Variants in PRKCG observed in about 807,000 individuals in gnomAD.
The protein encoded by PRKCG is protein kinase C gamma, also known as protein kinase C gamma type.
Under a neutral mutation model 82.0 loss-of-function variants are expected in PRKCG, and 28 were observed. That is an observed-to-expected ratio of 0.34 (90% CI 0.25 to 0.47). PRKCG has a LOEUF of 0.47. Among genes scored for constraint, PRKCG ranks in the 20% least tolerant of loss-of-function variants. The pLI is 1.00. For synonymous variants in PRKCG, 383 were observed against 376.6 expected (o/e 1.02, Z -0.20); for missense variants, 640 against 952.7 (o/e 0.67, Z 4.32).
chr19:53,899,240 G>A (rs1459288089), intron 11 of PRKCG, among the ~76,000 whole-genome samples: 1 of 152,104 alleles, frequency 6.6e-6, no homozygotes, highest in Non-Finnish European at 1.5e-5. Context: ...TGGGGGCGTG[G>A]CCAGGTGGAT....
chr19:53,901,637 G>A (rs2068764514), intron 14 of PRKCG, among the ~76,000 whole-genome samples: 2 of 150,020 alleles, frequency 1.3e-5, no homozygotes, highest in African/African-American at 2.5e-5. Flanking sequence ...GGATCACAAG[G>A]TCAGGAGTTT....
intron 15 of PRKCG, among the ~76,000 whole-genome samples, chr19:53,904,237 T>G (rs916590669): frequency 4.6e-5 from 7 of 151,620 alleles, no homozygotes; most frequent in African/African-American, 1.5e-4. Flanking sequence ...CTCTAAATCT[T>G]TGCCTTGGTA....
intron 15 of PRKCG, 40 bp from the exon 16 acceptor site, chr19:53,904,595 T>G: frequency 1.9e-6 from 3 of 1,573,602 alleles, no homozygotes; most frequent in Non-Finnish European, 1.7e-6. Context: ...GAAAGGCAGT[T>G]GGGCATGTCC....
Position 53,889,914 on chromosome 19 carries a change from T to G in PRKCG, c.426T>G (p.Cys142Trp). 1 of 1,584,672 alleles carries G rather than the reference T, an allele frequency of 6.3e-7. No homozygotes were observed. The highest frequency in any genetic ancestry group is 8.6e-7 in the Non-Finnish European group (1 of 1,166,258). Residue 142 changes from cysteine to tryptophan, a missense_variant, in exon 5 of 18, where the codon TGT becomes TGG. Cys to Trp is a radical substitution (Grantham distance 215). Transcript: ENST00000263431. This position sits in a 1 kb window ranked among gnomAD's most constrained non-coding sequence, Gnocchi z 4.4. ...SCCEMNVHRRCVRSVPSLCGV... is the reference protein window; with the variant it reads ...SCCEMNVHRRWVRSVPSLCGV... ...GCGAGATGAACGTGCACCGGCGCTG[T>G]GTGCGTAGCGTGCCCTCCCTGTGCG...
chr19:53,881,697 G>C (rs889506160), upstream of PRKCG: 1 of 152,550 alleles, frequency 6.6e-6, no homozygotes, highest in Non-Finnish European at 1.5e-5. Flanking sequence ...CTGAGAGGCA[G>C]AAACAGAGAC....
chr19:53,900,307 T>G lies in PRKCG; in HGVS notation c.1356T>G (p.Phe452Leu). 1 of 1,614,078 alleles carries G rather than the reference T, an allele frequency of 6.2e-7. No homozygotes were observed. The highest frequency in any genetic ancestry group is 8.5e-7 in the Non-Finnish European group (1 of 1,180,010). The change falls in exon 12 of 18, where the codon TTT (phenylalanine) becomes TTG (leucine). Residue 452 changes from phenylalanine to leucine, a missense_variant. By Grantham distance (22) the Phe-to-Leu change is conservative (BLOSUM62 0). Coordinates refer to ENST00000263431, the MANE Select transcript of PRKCG (RefSeq NM_002739.5). This position sits in a 1 kb window ranked among gnomAD's most constrained non-coding sequence, Gnocchi z 4.2. ...LMYHIQQLGKFKEPHAAFYAA... is the reference protein window; with the variant it reads ...LMYHIQQLGKLKEPHAAFYAA... ...ACCACATTCAACAGCTGGGCAAGTT[T>G]AAGGAGCCCCATGCAGCGTGAGTCT...
chr19:53,898,363 C>T (rs897630412), intron 10 of PRKCG, 77 bp from the exon 11 acceptor site: 2 of 1,557,154 alleles, frequency 1.3e-6, no homozygotes, highest in Non-Finnish European at 1.8e-6. Context: ...CGTTTCCCTG[C>T]GTCCCTTAGG....
At position 53,898,596 on chromosome 19, in the gene PRKCG, C is replaced by T. The variant is rs1174879071; in HGVS notation, c.1249C>T (p.Leu417Phe). 6.3e-7 allele frequency: 1 copy of T among 1,598,044 alleles called. No homozygotes were observed. The highest frequency in any genetic ancestry group is 1.3e-5 in the African/African-American group (1 of 74,548). The change falls in exon 11 of 18, where the codon CTC becomes TTC. Residue 417 changes from leucine (L) to phenylalanine (F), a missense_variant. Around this residue, in one of 7 missense-constraint regions of PRKCG, gnomAD observed 78 missense variants for 105.6 expected, o/e 0.74. Transcript: ENST00000263431. ...GRGPGGRPHF[L>F]TQLHSTFQTP... ...GGGTCCTGGCGGCCGGCCCCACTTC[C>T]TCACCCAGCTCCACTCCACCTTCCA...
chr19:53,898,705 G>GTT, intron 11 of PRKCG, 77 bp downstream of exon 11: 1 of 1,321,094 alleles, frequency 7.6e-7, no homozygotes, highest in Non-Finnish European at 1.0e-6. Flanking sequence ...GGGATTCTGA[G>GTT]TTTAGGGCGA....
intron 11 of PRKCG, 77 bp downstream of exon 11, chr19:53,898,705 GT>G: frequency 7.6e-7 from 1 of 1,321,088 alleles, no homozygotes; most frequent in Non-Finnish European, 1.0e-6. Flanking sequence ...GGGATTCTGA[GT>G]TTAGGGCGAG....
chr19:53,906,574 A>G (rs2068813410), intron 17 of PRKCG, 117 bp downstream of exon 17: 2 of 1,543,716 alleles, frequency 1.3e-6, no homozygotes, highest in Non-Finnish European at 1.8e-6. Flanking sequence ...CGCCCCCAAC[A>G]AAAGGAGGTG....
intron 9 of PRKCG, among the ~76,000 whole-genome samples, chr19:53,896,092 C>T (rs2068716108): frequency 6.6e-6 from 1 of 151,054 alleles, no homozygotes; most frequent in African/African-American, 2.4e-5. Flanking sequence ...ATGGGCTCTG[C>T]AGGAGACAAG....
intron 16 of PRKCG, among the ~76,000 whole-genome samples, 194 bp from the exon 17 acceptor site, chr19:53,906,123 C>CTT (rs1351626848): frequency 1.6e-5 from 1 of 62,210 alleles, no homozygotes; most frequent in South Asian, 6.4e-4. Context: ...TTCTTCTTTT[C>CTT]TTCTCTCTCT....
chr19:53,890,623 C>T (rs1325682169), intron 5 of PRKCG, among the ~76,000 whole-genome samples: 1 of 148,182 alleles, frequency 6.7e-6, no homozygotes, highest in African/African-American at 2.5e-5. Context: ...GCTCTGTCAC[C>T]CAGGCTGGAG....
rs756943949 is a variant in PRKCG, at chr19:53,891,662, C to T, written c.530-12C>T. 1 of 1,613,610 alleles carries T rather than the reference C, an allele frequency of 6.2e-7. No individual in the cohort carries two copies. Among genetic ancestry groups the T allele is most frequent in the South Asian group, 1.1e-5 (1 of 91,062 alleles). ...CTCTAACCCGTCACACTCTTCCTCA[C>T]TCCCCGTTTAGTTGGCGAGGCCCGT... On this transcript the variant is annotated splice_polypyrimidine_tract_variant and intron_variant, in intron 5 of 17. Transcript: ENST00000263431.
At chr19:53,899,083 G>C (rs2123012909) in intron 11 of PRKCG, among the ~76,000 whole-genome samples, 2 of 151,648 alleles carry the variant, frequency 1.3e-5, no homozygotes, top group South Asian at 4.2e-4. Context: ...GATTATGAAT[G>C]AGCGTATCCA....
At position 53,903,105 on chromosome 19, in the gene PRKCG, C is replaced by T. The variant is rs367543216; in HGVS notation, c.1608C>T (p.Val536=). The T allele has an allele frequency of 6.8e-6, 11 of 1,613,660 alleles. No individual in the cohort carries two copies. In the African/African-American group the frequency reaches 1.3e-4, roughly 20 times the overall value. ...IIAYQPYGKS[V]DWWSFGVLLY... is the part of the protein sequence containing the mutation. ...CCTACCAGCCCTATGGGAAGTCTGTCGATTGGTGGTCCTTTGGAGTTCTGC... is the reference window on the plus strand; with the variant it reads ...CCTACCAGCCCTATGGGAAGTCTGTTGATTGGTGGTCCTTTGGAGTTCTGC... The change falls in exon 15 of 18, where the codon GTC becomes GTT. Residue 536 remains valine (V), a synonymous_variant. Transcript: ENST00000263431.
rs765626078 is a variant in PRKCG at position 53,900,761 on chromosome 19, C to T, written c.1575+12C>T. 4.3e-6 allele frequency: 7 copies of T among 1,614,136 alleles called. No individual in the cohort carries two copies. Among genetic ancestry groups the T allele is most frequent in the Non-Finnish European group, 5.9e-6 (7 of 1,180,036 alleles). The stretch of plus-strand genomic sequence containing the variant: ...ACATAGCCCCGGAGGTAACCCCAAC[C>T]CTGCTGCTCTGGTCACGCTTTGAGA... On this transcript the variant is annotated intron_variant, in intron 14 of 17. Transcript: ENST00000263431. This position sits in a 1 kb window ranked among gnomAD's most constrained non-coding sequence, Gnocchi z 4.2.
chr19:53,881,406 T>G (rs2068588169), upstream of PRKCG, among the ~76,000 whole-genome samples: 1 of 138,924 alleles, frequency 7.2e-6, no homozygotes, highest in Non-Finnish European at 1.6e-5. Context: ...GGAGACAGAG[T>G]CACAGCCTGA....
Sources: allele counts gnomAD v4.1 joint callset (sites outside exome capture counted in the v4.1 genomes callset), GRCh38; gene constraint gnomAD v4.1.1; regional missense constraint gnomAD v4.1.1; non-coding constraint Gnocchi (gnomAD v3.1); transcripts MANE v1.5; gene names NCBI Gene and HGNC (gene_info 2026-07-23, HGNC 2026-07-21).